FOXP2: variants seen among roughly 807,000 people sequenced by gnomAD.
FOXP2 encodes forkhead box protein P2.
Under a neutral mutation model 115.8 loss-of-function variants are expected in FOXP2, and 12 were observed. The observed-to-expected ratio is 0.10, with a 90% CI of 0.07 to 0.17. The LOEUF (loss-of-function observed/expected upper bound fraction) is 0.17. FOXP2 is among the 10% of genes least tolerant of loss of function. FOXP2 has a pLI of 1.00. For missense variants in FOXP2, 629 were observed against 843.5 expected (o/e 0.75, Z 3.15); for synonymous variants, 328 against 297.7 (o/e 1.10, Z -1.05).
intron 2 of FOXP2, among the ~76,000 whole-genome samples, chr7:114,449,163 T>C (rs994888227): frequency 6.6e-5 from 10 of 152,200 alleles, no homozygotes; most frequent in Admixed American, 5.9e-4. Flanking sequence ...GCTATCATTA[T>C]TATTTTGTTC....
chr7:114,415,182 A>T lies in FOXP2; in HGVS notation c.-189A>T, dbSNP rs776509803. On this transcript the variant is annotated 5_prime_UTR_variant, in exon 1 of 17. Transcript: ENST00000350908. ...GGCAGAGGTGTACTCACAGTAGTGT[A>T]AATACTGCTGTAAATAGTTGTCTGA... The T allele has an allele frequency of 2.2e-6, 1 of 454,320 alleles. No individual in the cohort carries two copies. Among genetic ancestry groups the T allele is most frequent in the Non-Finnish European group, 4.4e-6 (1 of 226,728 alleles). 28.1% of individuals were successfully genotyped at this position (454,320 alleles called of 1,614,324 possible).
chr7:114,329,751 A>G (rs1032637616), intron 2 of FOXP2, among the ~76,000 whole-genome samples: 2 of 150,542 alleles, frequency 1.3e-5, no homozygotes, highest in Non-Finnish European at 3.0e-5. Context: ...AAACCAGCTC[A>G]CTGCAACCTC....
chr7:114,618,917 G>T (rs1391847371), intron 3 of FOXP2, among the ~76,000 whole-genome samples: 1 of 152,074 alleles, frequency 6.6e-6, no homozygotes, highest in Non-Finnish European at 1.5e-5. Context: ...AATTTGAGTG[G>T]TTACTGTGTG....
At chr7:114,087,303 G>A (rs894322673), upstream of FOXP2, among the ~76,000 whole-genome samples, 4 of 152,162 alleles carry the variant, frequency 2.6e-5, no homozygotes, top group African/African-American at 9.7e-5. Context: ...CGGGATAACC[G>A]TGCACAGGGA....
chr7:114,563,387 T>A (rs1800848208), intron 3 of FOXP2, among the ~76,000 whole-genome samples: 2 of 152,204 alleles, frequency 1.3e-5, no homozygotes, highest in South Asian at 4.1e-4. Context: ...TGTTGTCTTT[T>A]CCCCATCTCC....
At chr7:114,671,051 TGGTCC>T (rs1188122204) in intron 16 of FOXP2, among the ~76,000 whole-genome samples, 2 of 152,136 alleles carry the variant, frequency 1.3e-5, no homozygotes, top group Non-Finnish European at 1.5e-5. Flanking sequence ...CTAACATTTC[TGGTCC>T]TCTTACAATT....
intron 3 of FOXP2, among the ~76,000 whole-genome samples, chr7:114,579,853 T>C (rs1801757101): frequency 6.6e-6 from 1 of 152,230 alleles, no homozygotes; most frequent in African/African-American, 2.4e-5. Flanking sequence ...TTATCACCTA[T>C]ATTTGAGAAA....
At chr7:114,095,737 G>A (rs1325847533) in intron 1 of FOXP2, among the ~76,000 whole-genome samples, 2 of 152,168 alleles carry the variant, frequency 1.3e-5, no homozygotes, top group Non-Finnish European at 2.9e-5. Context: ...GGCACCAGTC[G>A]AGAAATCAAG....
intron 2 of FOXP2, among the ~76,000 whole-genome samples, chr7:114,404,839 C>T (rs932841224): frequency 1.1e-4 from 17 of 151,974 alleles, no homozygotes; most frequent in African/African-American, 4.1e-4. Flanking sequence ...AACTGACCAA[C>T]TTCAGTCATT....
At chr7:114,523,334 A>T (rs895269189) in intron 2 of FOXP2, among the ~76,000 whole-genome samples, 1 of 152,086 alleles carries the variant, frequency 6.6e-6, no homozygotes, top group Admixed American at 6.6e-5. Context: ...TCTCTTTTAG[A>T]TGTTCTGAGC....
At chr7:114,488,503 A>T (rs1796894548) in intron 2 of FOXP2, among the ~76,000 whole-genome samples, 1 of 152,180 alleles carries the variant, frequency 6.6e-6, no homozygotes, top group Admixed American at 6.6e-5. Flanking sequence ...CAGGTTTTTG[A>T]GATAATGTGA....
At chr7:114,631,911 T>C (rs1679855031) in intron 6 of FOXP2, among the ~76,000 whole-genome samples, 1 of 152,226 alleles carries the variant, frequency 6.6e-6, no homozygotes, top group Non-Finnish European at 1.5e-5. Flanking sequence ...AAGTAAAACT[T>C]TCAAGTTTTT....
At chr7:114,280,849 T>C (rs1262143800) in intron 1 of FOXP2, among the ~76,000 whole-genome samples, 2 of 152,096 alleles carry the variant, frequency 1.3e-5, no homozygotes, top group African/African-American at 2.4e-5. Context: ...GCTGTTATAG[T>C]TGGTATTACC....
intron 1 of FOXP2, among the ~76,000 whole-genome samples, chr7:114,423,489 C>T (rs1041471028): frequency 2.0e-5 from 3 of 151,506 alleles, no homozygotes; most frequent in Admixed American, 6.6e-5. Flanking sequence ...AAGTTGTGTA[C>T]GATGAAAGAC....
intron 2 of FOXP2, among the ~76,000 whole-genome samples, chr7:114,388,215 T>C (rs1250248421): frequency 2.0e-5 from 3 of 152,146 alleles, no homozygotes; most frequent in Admixed American, 2.0e-4. Flanking sequence ...CACACTCTTA[T>C]CAGATTTGGC....
chr7:114,108,247 A>T (rs1235887245), intron 1 of FOXP2, among the ~76,000 whole-genome samples: 1 of 151,928 alleles, frequency 6.6e-6, no homozygotes, highest in African/African-American at 2.4e-5. Context: ...TGACCTGACC[A>T]TATAAAGTAT....
chr7:114,099,384 G>A (rs1435416485), intron 1 of FOXP2, among the ~76,000 whole-genome samples: 1 of 152,090 alleles, frequency 6.6e-6, no homozygotes, highest in African/African-American at 2.4e-5. Context: ...CAAATGTCGT[G>A]CTTCTGTGCA....
At chr7:114,316,366 A>G (rs1423188139) in intron 2 of FOXP2, among the ~76,000 whole-genome samples, 1 of 152,226 alleles carries the variant, frequency 6.6e-6, no homozygotes, top group Non-Finnish European at 1.5e-5. Flanking sequence ...TTCATTCAGC[A>G]TATATACTGA....
At chr7:114,291,525 A>G (rs896384371) in intron 2 of FOXP2, among the ~76,000 whole-genome samples, 2 of 152,084 alleles carry the variant, frequency 1.3e-5, no homozygotes, top group East Asian at 3.8e-4. Flanking sequence ...AACAACATAC[A>G]TGTATCATCT....
Sources: gnomAD v4.1 joint callset for allele counts (sites outside exome capture counted in the v4.1 genomes callset) on GRCh38, gnomAD v4.1.1 for gene constraint, MANE v1.5 for transcripts, NCBI Gene and HGNC (gene_info 2026-07-23, HGNC 2026-07-21) for gene names.